ZFPM1: variants seen among roughly 807,000 people sequenced by gnomAD.
ZFPM1 encodes zinc finger protein ZFPM1.
A neutral mutation model predicts 46.3 loss-of-function variants in ZFPM1; 28 were observed. The ratio of observed to expected loss-of-function variants is 0.60; its 90% confidence interval spans 0.45 to 0.83. ZFPM1 has a LOEUF of 0.83. ZFPM1 is among the 40% of genes least tolerant of loss of function. The probability of loss-of-function intolerance (pLI) is 0.00; values close to 1 mark genes in which losing one functional copy is unlikely to be tolerated. For synonymous variants in ZFPM1, 957 were observed against 675.9 expected, an observed-to-expected ratio of 1.42 and a Z score of -6.45; for missense variants, 1,878 against 1,432.4, an observed-to-expected ratio of 1.31 and a Z score of -5.02.
At position 88,534,124 on chromosome 16, in the gene ZFPM1, A is replaced by AC; in HGVS notation, c.2171dup (p.Gly725TrpfsTer352). 1 of 1,088,676 alleles carries AC rather than the reference A, an allele frequency of 9.2e-7. No homozygotes were observed. Among genetic ancestry groups the AC allele is most frequent in the East Asian group, 8.9e-5 (1 of 11,200 alleles). The allele number at this position is 1,088,676 out of a possible 1,614,324, so 67.4% of individuals were successfully genotyped here. On this transcript the variant is annotated frameshift_variant, in exon 10 of 10. Coordinates refer to ENST00000319555, the MANE Select transcript of ZFPM1 (RefSeq NM_153813.3). LOFTEE classifies it low-confidence loss of function (END_TRUNC). ...CGCGCCGACCGGCCGCGCCCCCGGG[A>AC]CCCCCTGGGCCGGCCGCGCCCCCGG...
At position 88,482,487 on chromosome 16, in the gene ZFPM1, G is replaced by A. The variant is rs79439882; in HGVS notation, c.41-3452G>A. ...TCCACGCTCATCACCACGGCTTTGTGTGGAGCAGGAGCCTTTGTTCTTGTG... is the reference window on the plus strand; with the variant it reads ...TCCACGCTCATCACCACGGCTTTGTATGGAGCAGGAGCCTTTGTTCTTGTG... On this transcript the variant is annotated intron_variant, in intron 1 of 9. Transcript: ENST00000319555. Among the ~76,000 whole-genome samples the A allele has an allele frequency of 5.3e-3, 801 of 152,328 alleles. 5 individuals are homozygous for A. Among genetic ancestry groups the A allele is most frequent in the African/African-American group, 0.018 (757 of 41,574 alleles).
At chr16:88,512,022 C>T (rs544132839) in intron 3 of ZFPM1, among the ~76,000 whole-genome samples, 6 of 152,222 alleles carry the variant, frequency 3.9e-5, no homozygotes, top group Non-Finnish European at 8.8e-5. Context: ...TGCCCCTGGG[C>T]GAGTGGAACG....
intron 6 of ZFPM1, chr16:88,530,590 G>C (rs954097514): frequency 6.6e-6 from 1 of 152,202 alleles, no homozygotes. Flanking sequence ...CCTGTGAAGC[G>C]GGATGCAGAG....
At chr16:88,486,098 C>G in intron 2 of ZFPM1, 55 bp downstream of exon 2, 1 of 1,526,206 alleles carries the variant, frequency 6.6e-7, no homozygotes, top group South Asian at 1.2e-5. Flanking sequence ...CCATTGCTTA[C>G]CCGTACCATG....
chr16:88,533,781 A>C lies in ZFPM1; in HGVS notation c.1823A>C (p.Asp608Ala). ...TGTTCAGGCCGCCGTGCGCCCGAGG[A>C]CGCGCCTGCCGCGCGCAGGCCCAAG... is the stretch of plus-strand genomic sequence containing the variant. ...LYCSGRRAPE[D>A]APAARRPKAP... The change falls in exon 10 of 10, where the codon GAC becomes GCC. Residue 608 changes from aspartate (D) to alanine (A), a missense_variant. By Grantham distance (126) the Asp-to-Ala change is moderately radical. Transcript: ENST00000319555. 4.8e-5 allele frequency: 62 copies of C among 1,294,560 alleles called. No individual in the cohort carries two copies. The highest frequency in any genetic ancestry group is 2.9e-4 in the Middle Eastern group (1 of 3,440). The allele number at this position is 1,294,560 out of a possible 1,614,324, so 80.2% of individuals were successfully genotyped here.
At position 88,533,318 on chromosome 16, in the gene ZFPM1, G is replaced by T; in HGVS notation, c.1360G>T (p.Glu454Ter). Residue 454 changes from glutamate (E) to a stop codon, truncating the protein, a stop_gained, in exon 10 of 10, where the codon GAG (glutamate) becomes TAG (stop). Coordinates refer to ENST00000319555, the MANE Select transcript of ZFPM1 (RefSeq NM_153813.3). LOFTEE classifies it low-confidence loss of function (END_TRUNC). ...EPLAQNGGSS[E>*]PPAAPRSIKV... ...TCTGGCCCAGAATGGAGGCAGCAGC[G>T]AGCCCCCGGCGGCCCCCAGGAGCAT... is the stretch of plus-strand genomic sequence containing the variant. 6.5e-7 allele frequency: 1 copy of T among 1,531,260 alleles called. No individual in the cohort carries two copies. The highest frequency in any genetic ancestry group is 8.7e-7 in the Non-Finnish European group (1 of 1,143,538). The allele number at this position is 1,531,260 out of a possible 1,614,324, so 94.9% of individuals were successfully genotyped here.
intron 1 of ZFPM1, among the ~76,000 whole-genome samples, chr16:88,482,091 C>T (rs555578687): frequency 6.6e-6 from 1 of 152,330 alleles, no homozygotes; most frequent in Non-Finnish European, 1.5e-5. Flanking sequence ...CGTGGGTTGG[C>T]CTGCTCCAGC....
chr16:88,473,468 G>A (rs1397781848), intron 1 of ZFPM1, among the ~76,000 whole-genome samples: 4 of 152,338 alleles, frequency 2.6e-5, no homozygotes, highest in Admixed American at 6.5e-5. Flanking sequence ...GCCGCAGGGC[G>A]GGAGGAGGGT....
chr16:88,526,888 C>G lies in ZFPM1; in HGVS notation c.477C>G (p.Ala159=), dbSNP rs114240624. 14 of 1,579,894 alleles carry G rather than the reference C, an allele frequency of 8.9e-6. No homozygotes were observed. In the East Asian group the frequency reaches 3.2e-4, roughly 37 times the overall value. ...CGCTGCCCCAGGCCCTGACTGAGGC[C>G]GAGGCCAACACAGAGATCCACAGGA... ...LRTLPQALTE[A]EANTEIHRKD... The change falls in exon 5 of 10, where the codon GCC becomes GCG. Residue 159 remains alanine (A), a synonymous_variant. Coordinates refer to ENST00000319555, the MANE Select transcript of ZFPM1 (RefSeq NM_153813.3).
chr16:88,482,077 T>A (rs1412947721), intron 1 of ZFPM1, among the ~76,000 whole-genome samples: 1 of 152,204 alleles, frequency 6.6e-6, no homozygotes, highest in Non-Finnish European at 1.5e-5. Flanking sequence ...TCAGCCTGCC[T>A]GGCCGTGGGT....
intron 3 of ZFPM1, among the ~76,000 whole-genome samples, chr16:88,490,001 G>C (rs1285383660): frequency 1.3e-5 from 2 of 152,126 alleles, no homozygotes; most frequent in Non-Finnish European, 2.9e-5. Context: ...GGGACAGCGT[G>C]GGGAGGGGCA....
intron 3 of ZFPM1, among the ~76,000 whole-genome samples, chr16:88,512,219 G>T (rs540742819): frequency 6.6e-6 from 1 of 152,358 alleles, no homozygotes; most frequent in Non-Finnish European, 1.5e-5. Flanking sequence ...GTGGGCACCA[G>T]TTCTGCCCTC....
intron 3 of ZFPM1, among the ~76,000 whole-genome samples, chr16:88,513,686 A>G (rs1187858555): frequency 6.6e-6 from 1 of 152,198 alleles, no homozygotes; most frequent in Non-Finnish European, 1.5e-5. Context: ...AGTTAGCGTG[A>G]CCTGGGGCTT....
chr16:88,456,784 A>G (rs1488476240), intron 1 of ZFPM1, among the ~76,000 whole-genome samples: 1 of 152,166 alleles, frequency 6.6e-6, no homozygotes, highest in Non-Finnish European at 1.5e-5. Flanking sequence ...AAATGGAATC[A>G]GGAATAGGTC....
At position 88,477,000 on chromosome 16, in the gene ZFPM1, C is replaced by T. The variant is rs142898222; in HGVS notation, c.41-8939C>T. On this transcript the variant is annotated intron_variant, in intron 1 of 9. Transcript: ENST00000319555. ...TGGAGAGAAGATTTGGACGTGCGCACGCCCGTGCGCCGGGTCCCTTCTCCA... is the reference window on the plus strand; with the variant it reads ...TGGAGAGAAGATTTGGACGTGCGCATGCCCGTGCGCCGGGTCCCTTCTCCA... Among the ~76,000 whole-genome samples, 591 of 152,378 alleles carry T rather than the reference C, an allele frequency of 3.9e-3. 3 individuals carry two copies. Among genetic ancestry groups the T allele is most frequent in the Middle Eastern group, 6.8e-3 (2 of 294 alleles).
intron 2 of ZFPM1, 25 bp from the exon 3 acceptor site, chr16:88,489,006 T>A (rs1457792541): frequency 6.2e-7 from 1 of 1,606,898 alleles, no homozygotes; most frequent in Admixed American, 1.7e-5. Context: ...TCAGCAGGGA[T>A]GTGACGGTGT....
At position 88,469,202 on chromosome 16, in the gene ZFPM1, G is replaced by A. The variant is rs1049235949; in HGVS notation, c.40+15524G>A. Reference sequence around the variant, plus strand: ...CCCCACCGCTCCACCCTCTCCCCGCGCTGACTTCCATCCGGAACCTCATTC... The same window carrying A: ...CCCCACCGCTCCACCCTCTCCCCGCACTGACTTCCATCCGGAACCTCATTC... On this transcript the variant is annotated intron_variant, in intron 1 of 9. Coordinates refer to ENST00000319555, the MANE Select transcript of ZFPM1 (RefSeq NM_153813.3). This position sits in a 1 kb window ranked among gnomAD's most constrained non-coding sequence, Gnocchi z 4.3. 2.0e-5 allele frequency among the ~76,000 whole-genome samples: 3 copies of A among 152,120 alleles called. No individual in the cohort carries two copies. Among genetic ancestry groups the A allele is most frequent in the Non-Finnish European group, 4.4e-5 (3 of 68,018 alleles).
At chr16:88,523,933 G>T (rs1451285332) in intron 4 of ZFPM1, among the ~76,000 whole-genome samples, 1 of 152,168 alleles carries the variant, frequency 6.6e-6, no homozygotes, top group Non-Finnish European at 1.5e-5. Context: ...GGAACATGGC[G>T]CCTGCCCTCC....
chr16:88,531,927 C>T, intron 6 of ZFPM1, 75 bp from the exon 7 acceptor site: 1 of 1,437,582 alleles, frequency 7.0e-7, no homozygotes. Context: ...CGGCCAGGCC[C>T]TGCCTCCGCC....
Sources: gnomAD v4.1 joint callset for allele counts (sites outside exome capture counted in the v4.1 genomes callset) on GRCh38, gnomAD v4.1.1 for gene constraint, Gnocchi (gnomAD v3.1) non-coding constraint, MANE v1.5 for transcripts, NCBI Gene and HGNC (gene_info 2026-07-23, HGNC 2026-07-21) for gene names.